The following AGBL4 variants were observed in gnomAD, a reference collection of about 807,000 sequenced individuals.
The protein encoded by AGBL4 is AGBL carboxypeptidase 4, also known as cytosolic carboxypeptidase 6.
In AGBL4, 58 loss-of-function variants were observed where a neutral mutation model predicts 66.4. The ratio of observed to expected loss-of-function variants is 0.87; its 90% CI spans 0.71 to 1.09. AGBL4 has a LOEUF of 1.09. Among genes scored for constraint, AGBL4 ranks in the 50% least tolerant of loss-of-function variants. The probability of loss-of-function intolerance (pLI) is 0.00; values close to 1 mark genes in which losing one functional copy is unlikely to be tolerated. For synonymous variants in AGBL4, 234 were observed against 222.9 expected (o/e 1.05, Z -0.44); for missense variants, 579 against 631.0 (o/e 0.92, Z 0.88).
At chr1:49,209,038 C>T (rs1648466736) in intron 4 of AGBL4, among the ~76,000 whole-genome samples, 1 of 152,056 alleles carries the variant, frequency 6.6e-6, no homozygotes, top group Admixed American at 6.6e-5. Context: ...AATGCCAGGG[C>T]ATGTGTAAAA....
chr1:49,326,312 T>A (rs975106298), intron 3 of AGBL4, among the ~76,000 whole-genome samples: 9 of 152,212 alleles, frequency 5.9e-5, no homozygotes, highest in African/African-American at 2.2e-4. Flanking sequence ...GTCTTCTGAC[T>A]TCTACCATTT....
At chr1:49,465,447 G>T (rs548674769) in intron 3 of AGBL4, among the ~76,000 whole-genome samples, 1 of 151,804 alleles carries the variant, frequency 6.6e-6, no homozygotes, top group East Asian at 2.0e-4. Flanking sequence ...GGGCTCACAG[G>T]AGATAAGGAG....
At chr1:48,735,629 CTT>C (rs752376613) in intron 6 of AGBL4, among the ~76,000 whole-genome samples, 1 of 152,226 alleles carries the variant, frequency 6.6e-6, no homozygotes, top group Admixed American at 6.5e-5. Context: ...CTCCCTGTCT[CTT>C]TGCCTGCCCT....
chr1:49,726,814 C>T (rs775169917), intron 2 of AGBL4, among the ~76,000 whole-genome samples: 3 of 152,208 alleles, frequency 2.0e-5, no homozygotes, highest in Non-Finnish European at 4.4e-5. Context: ...TTCTCTCCCA[C>T]TGTAGAAAAG....
At chr1:48,972,542 T>A (rs1342504415) in intron 5 of AGBL4, among the ~76,000 whole-genome samples, 1 of 152,156 alleles carries the variant, frequency 6.6e-6, no homozygotes, top group South Asian at 2.1e-4. Context: ...ATTTTATAGG[T>A]GAAGAAAGGT....
At chr1:49,785,626 T>C (rs532076808) in intron 2 of AGBL4, among the ~76,000 whole-genome samples, 2 of 151,980 alleles carry the variant, frequency 1.3e-5, no homozygotes, top group Admixed American at 1.3e-4. Context: ...ACAATGGGAT[T>C]TTTAATCTTA....
chr1:48,644,557 G>T (rs558521677), intron 8 of AGBL4, among the ~76,000 whole-genome samples: 32 of 152,180 alleles, frequency 2.1e-4, no homozygotes, highest in Non-Finnish European at 4.6e-4. Context: ...AGGGAAAAAA[G>T]AAGAGAGGGA....
intron 3 of AGBL4, among the ~76,000 whole-genome samples, chr1:49,591,112 AG>A (rs1644743350): frequency 6.6e-6 from 1 of 152,126 alleles, no homozygotes; most frequent in South Asian, 2.1e-4. Flanking sequence ...TTAGGAAACC[AG>A]AAAAAAGCCC....
At chr1:49,735,509 C>T (rs961735046) in intron 2 of AGBL4, among the ~76,000 whole-genome samples, 15 of 150,642 alleles carry the variant, frequency 1.0e-4, no homozygotes, top group Non-Finnish European at 1.9e-4. Flanking sequence ...ATTGTAATAC[C>T]CATTTCAAAC....
At chr1:49,890,120 C>A (rs567176446) in intron 1 of AGBL4, among the ~76,000 whole-genome samples, 1 of 152,270 alleles carries the variant, frequency 6.6e-6, no homozygotes, top group South Asian at 2.1e-4. Context: ...GCATTTTATA[C>A]ATTATTTTGC....
At chr1:49,955,471 T>A (rs1409312372) in intron 1 of AGBL4, among the ~76,000 whole-genome samples, 4 of 151,932 alleles carry the variant, frequency 2.6e-5, no homozygotes, top group African/African-American at 9.7e-5. Context: ...TATGCCTAGA[T>A]AATTGAGTGA....
chr1:48,804,672 G>A (rs1486841647), intron 6 of AGBL4, among the ~76,000 whole-genome samples: 1 of 152,178 alleles, frequency 6.6e-6, no homozygotes, highest in Admixed American at 6.5e-5. Context: ...AATCATTCCT[G>A]GAGGGGTAGG....
chr1:48,892,867 A>C (rs549156591), intron 5 of AGBL4, among the ~76,000 whole-genome samples: 1 of 152,330 alleles, frequency 6.6e-6, no homozygotes, highest in Admixed American at 6.5e-5. Flanking sequence ...AGCATTTTAA[A>C]AGAAAATGAG....
chr1:49,719,339 A>C (rs1489671165), intron 2 of AGBL4, among the ~76,000 whole-genome samples: 3 of 152,172 alleles, frequency 2.0e-5, no homozygotes, highest in Non-Finnish European at 2.9e-5. Flanking sequence ...TAGAAAACAA[A>C]GTGTTCACCT....
At chr1:49,760,944 T>C (rs1028426877) in intron 2 of AGBL4, among the ~76,000 whole-genome samples, 23 of 152,078 alleles carry the variant, frequency 1.5e-4, no homozygotes, top group African/African-American at 5.6e-4. Flanking sequence ...ATCACATGTT[T>C]TCCCTCATAA....
intron 6 of AGBL4, among the ~76,000 whole-genome samples, chr1:48,855,344 AC>A (rs1433775549): frequency 1.4e-4 from 22 of 152,292 alleles, no homozygotes; most frequent in South Asian, 1.0e-3. Flanking sequence ...CAGGACAAAT[AC>A]CTTAGGAACA....
chr1:49,659,751 G>A (rs1414485155), intron 3 of AGBL4, among the ~76,000 whole-genome samples: 2 of 152,214 alleles, frequency 1.3e-5, no homozygotes, highest in Admixed American at 1.3e-4. Context: ...CTTGAACTCA[G>A]CTCTGGACCA....
chr1:49,718,805 C>T (rs1324871775), intron 2 of AGBL4, among the ~76,000 whole-genome samples: 1 of 151,904 alleles, frequency 6.6e-6, no homozygotes, highest in Non-Finnish European at 1.5e-5. Context: ...CTGTAAAAAA[C>T]ATTTCCCTCT....
At chr1:48,867,053 G>A (rs1025812610) in intron 6 of AGBL4, 138 bp downstream of exon 6, 4 of 987,622 alleles carry the variant, frequency 4.1e-6, no homozygotes, top group Admixed American at 4.1e-5. Context: ...GGGAGGAGAA[G>A]AATCATTCAT....
Sources: allele counts gnomAD v4.1 joint callset (sites outside exome capture counted in the v4.1 genomes callset), GRCh38; gene constraint gnomAD v4.1.1; transcripts MANE v1.5; gene names NCBI Gene and HGNC (gene_info 2026-07-23, HGNC 2026-07-21).